Variants in SLC26A7 observed in about 807,000 individuals in gnomAD.
The protein encoded by SLC26A7 is solute carrier family 26 member 7.
Under a neutral mutation model 82.5 loss-of-function variants are expected in SLC26A7, and 59 were observed. The ratio of observed to expected loss-of-function variants is 0.72; its 90% CI spans 0.58 to 0.89. SLC26A7 has a LOEUF of 0.89. Ranked by LOEUF, SLC26A7 falls within the 40% of genes least tolerant of loss-of-function variation. SLC26A7 has a pLI of 0.00. For synonymous variants in SLC26A7, 271 were observed against 274.3 expected (o/e 0.99, Z 0.12); for missense variants, 820 against 793.0 (o/e 1.03, Z -0.41).
chr8:91,365,863 T>C (rs1271508180), intron 13 of SLC26A7, among the ~76,000 whole-genome samples: 1 of 152,228 alleles, frequency 6.6e-6, no homozygotes, highest in African/African-American at 2.4e-5. Context: ...TGTCATTTTG[T>C]AGAATTTACC....
At chr8:91,382,745 A>AAAATGCATTAAAT (rs1270880219) in intron 15 of SLC26A7, among the ~76,000 whole-genome samples, 2 of 152,198 alleles carry the variant, frequency 1.3e-5, no homozygotes, top group African/African-American at 2.4e-5. Context: ...TTTAAGGTAA[A>AAAATGCATTAAAT]TAATGCATTT....
At chr8:91,277,149 G>A (rs576926776) in intron 2 of SLC26A7, among the ~76,000 whole-genome samples, 19 of 152,126 alleles carry the variant, frequency 1.2e-4, no homozygotes, top group African/African-American at 4.3e-4. Context: ...TGCACCCTCA[G>A]GAACCCCTCT....
At chr8:91,325,802 G>C (rs1251370236) in intron 5 of SLC26A7, among the ~76,000 whole-genome samples, 1 of 152,152 alleles carries the variant, frequency 6.6e-6, no homozygotes, top group Non-Finnish European at 1.5e-5. Context: ...GATAGTCATT[G>C]GTAAAATGTG....
chr8:91,235,503 C>T (rs1353959876), intron 2 of SLC26A7, among the ~76,000 whole-genome samples: 1 of 152,006 alleles, frequency 6.6e-6, no homozygotes, highest in African/African-American at 2.4e-5. Context: ...CACTGTGAAA[C>T]AGTGTAAGCC....
chr8:91,272,601 A>T (rs547200678), intron 2 of SLC26A7, among the ~76,000 whole-genome samples: 1 of 152,342 alleles, frequency 6.6e-6, no homozygotes, highest in South Asian at 2.1e-4. Context: ...AGGGCACTAT[A>T]GACAAAGGAA....
At chr8:91,280,964 C>T (rs943902924) in intron 2 of SLC26A7, among the ~76,000 whole-genome samples, 8 of 152,154 alleles carry the variant, frequency 5.3e-5, no homozygotes, top group African/African-American at 1.9e-4. Context: ...GTGGTAGTTT[C>T]CTAACTGCTC....
At chr8:91,316,989 A>T (rs995713005) in intron 4 of SLC26A7, among the ~76,000 whole-genome samples, 12 of 10,154 alleles carry the variant, frequency 1.2e-3, no homozygotes, top group African/African-American at 4.8e-3. Context: ...CCCTGTCTCT[A>T]AAAAAAAAAA....
At chr8:91,290,955 CA>C (rs1229831358) in intron 3 of SLC26A7, among the ~76,000 whole-genome samples, 1 of 152,128 alleles carries the variant, frequency 6.6e-6, no homozygotes, top group Admixed American at 6.6e-5. Flanking sequence ...GTTAAAAGTG[CA>C]AAGCCTTTAT....
chr8:91,355,975 G>C (rs1813855393), intron 11 of SLC26A7, among the ~76,000 whole-genome samples: 2 of 152,052 alleles, frequency 1.3e-5, no homozygotes, highest in Non-Finnish European at 2.9e-5. Context: ...AGAACATACA[G>C]TGTTTGATTT....
chr8:91,365,599 TCTC>T (rs1814170676), intron 13 of SLC26A7, among the ~76,000 whole-genome samples: 2 of 152,196 alleles, frequency 1.3e-5, no homozygotes, highest in South Asian at 2.1e-4. Context: ...TTGTTGCAAA[TCTC>T]CTCACTTTGC....
rs1814280198 is a variant in SLC26A7, at chr8:91,369,037, A to G, written c.1627-748A>G. Among the ~76,000 whole-genome samples, 4 of 152,198 alleles carry G rather than the reference A, an allele frequency of 2.6e-5. No individual in the cohort carries two copies. The South Asian group carries it at 8.3e-4, about 32-fold the overall frequency. Reference sequence around the variant, plus strand: ...TCTCGTGAGAGAAGCAGAGTAATGTAGTGGCTGGGAACAAGAGGCTTGGAA... The same window carrying G: ...TCTCGTGAGAGAAGCAGAGTAATGTGGTGGCTGGGAACAAGAGGCTTGGAA... On this transcript the variant is annotated intron_variant, in intron 14 of 18. Transcript: ENST00000276609.
chr8:91,263,834 G>C (rs1293435261), intron 2 of SLC26A7, among the ~76,000 whole-genome samples: 2 of 152,096 alleles, frequency 1.3e-5, no homozygotes, highest in African/African-American at 4.8e-5. Context: ...AGATCTGTAG[G>C]TGCAGGGATA....
chr8:91,265,576 A>G (rs1288776250), intron 2 of SLC26A7, among the ~76,000 whole-genome samples: 1 of 151,840 alleles, frequency 6.6e-6, no homozygotes, highest in Non-Finnish European at 1.5e-5. Flanking sequence ...TGTCATTTTG[A>G]TGATAGACAT....
chr8:91,259,610 A>G (rs1476126550), intron 2 of SLC26A7, among the ~76,000 whole-genome samples: 3 of 152,096 alleles, frequency 2.0e-5, no homozygotes, highest in Admixed American at 2.0e-4. Context: ...TCCCTTCAGC[A>G]TCATATGCTC....
intron 9 of SLC26A7, among the ~76,000 whole-genome samples, chr8:91,344,952 C>CTT (rs373035121): frequency 7.0e-6 from 1 of 142,644 alleles, no homozygotes; most frequent in Non-Finnish European, 1.5e-5. Context: ...TTCTTTTTTT[C>CTT]TTTTTTTTTT....
At chr8:91,261,697 G>A (rs998935181) in intron 2 of SLC26A7, among the ~76,000 whole-genome samples, 1 of 152,054 alleles carries the variant, frequency 6.6e-6, no homozygotes, top group East Asian at 1.9e-4. Flanking sequence ...CCCTGGAAAG[G>A]ATCTCAAGGG....
chr8:91,254,297 C>A (rs890781041), intron 2 of SLC26A7, among the ~76,000 whole-genome samples: 2 of 152,062 alleles, frequency 1.3e-5, no homozygotes, highest in Non-Finnish European at 2.9e-5. Context: ...TGCCACAGCA[C>A]CCACCATTCA....
At position 91,366,670 on chromosome 8, in the gene SLC26A7, A is replaced by G. The variant is rs1814202568; in HGVS notation, c.1579A>G (p.Ile527Val). 14 of 1,613,588 alleles carry G rather than the reference A, an allele frequency of 8.7e-6. No individual in the cohort carries two copies. Among genetic ancestry groups the G allele is most frequent in the Non-Finnish European group, 1.2e-5 (14 of 1,179,842 alleles). ...KKFYTDLMNMIQKENACNQPL... is the reference protein window; with the variant it reads ...KKFYTDLMNMVQKENACNQPL... Reference sequence around the variant, plus strand: ...ATTTTATACTGATTTAATGAACATGATCCAAAAGGAAAATGCCTGTAATCA... The same window carrying G: ...ATTTTATACTGATTTAATGAACATGGTCCAAAAGGAAAATGCCTGTAATCA... The change falls in exon 14 of 19, where the codon ATC (isoleucine) becomes GTC (valine). Residue 527 changes from isoleucine to valine, a missense_variant. Transcript: ENST00000276609.
At chr8:91,316,451 ATTTTTTTTTTTTTTTTTTTTTTT>A (rs58981485) in intron 4 of SLC26A7, among the ~76,000 whole-genome samples, 13 of 34,422 alleles carry the variant, frequency 3.8e-4, no homozygotes, top group African/African-American at 7.8e-4. Context: ...CTCAACACTA[ATTTTTTTTTTTTTTTTTTTTTTT>A]TTTTTTTTTT....
Sources: gnomAD v4.1 joint callset for allele counts (sites outside exome capture counted in the v4.1 genomes callset) on GRCh38, gnomAD v4.1.1 for gene constraint, MANE v1.5 for transcripts, NCBI Gene and HGNC (gene_info 2026-07-23, HGNC 2026-07-21) for gene names.